The following EEIG2 variants were observed in gnomAD, a reference collection of about 807,000 sequenced individuals.
The protein encoded by EEIG2 is family with sequence similarity 102 member B.
chr1:108,578,315 G>A, the EEIG2 span, among the ~76,000 whole-genome samples: 1 of 129,036 alleles, frequency 7.7e-6, no homozygotes, highest in Admixed American at 8.9e-5. Context: ...TGATTGCCCT[G>A]GCCAGAACTT....
the EEIG2 span, chr1:108,628,917 A>G: frequency 6.9e-4 from 609 of 880,658 alleles, 3 homozygotes; most frequent in African/African-American, 9.4e-3. Context: ...ATATTTGTAT[A>G]GTAAATTTCA....
the EEIG2 span, among the ~76,000 whole-genome samples, chr1:108,564,046 G>A: frequency 1.3e-5 from 2 of 152,294 alleles, no homozygotes; most frequent in African/African-American, 2.4e-5. Context: ...ATTGCAGAGC[G>A]TTCATGTTGA....
chr1:108,583,952 C>T, the EEIG2 span, among the ~76,000 whole-genome samples: 2 of 151,706 alleles, frequency 1.3e-5, no homozygotes, highest in African/African-American at 4.8e-5. Context: ...TTCAGCTCTG[C>T]CATAGCGTAG....
the EEIG2 span, among the ~76,000 whole-genome samples, chr1:108,603,488 T>C: frequency 6.6e-6 from 1 of 152,148 alleles, no homozygotes; most frequent in Admixed American, 6.6e-5. Context: ...GCTCAATCCC[T>C]TCTTGGATGA....
At chr1:108,606,649 T>C in the EEIG2 span, among the ~76,000 whole-genome samples, 1 of 152,226 alleles carries the variant, frequency 6.6e-6, no homozygotes, top group East Asian at 1.9e-4. Context: ...ACTAGCTATG[T>C]GGAATTACTA....
At chr1:108,618,332 C>A in the EEIG2 span, among the ~76,000 whole-genome samples, 3 of 152,042 alleles carry the variant, frequency 2.0e-5, no homozygotes, top group African/African-American at 7.3e-5. Context: ...AAATAGGAAA[C>A]AAGATGCTCA....
the EEIG2 span, among the ~76,000 whole-genome samples, chr1:108,563,507 A>G: frequency 6.6e-6 from 1 of 152,208 alleles, no homozygotes; most frequent in African/African-American, 2.4e-5. Flanking sequence ...ATGAACCTTT[A>G]TAAAATAATA....
At chr1:108,607,946 AT>A in the EEIG2 span, among the ~76,000 whole-genome samples, 2 of 152,192 alleles carry the variant, frequency 1.3e-5, no homozygotes, top group Non-Finnish European at 2.9e-5. Context: ...AAATTAAAAC[AT>A]GATCATATCG....
the EEIG2 span, among the ~76,000 whole-genome samples, chr1:108,569,305 G>A: frequency 6.6e-6 from 1 of 152,142 alleles, no homozygotes; most frequent in African/African-American, 2.4e-5. Context: ...TAGGAGGATG[G>A]GTCATCTAGA....
chr1:108,561,291 A>C, the EEIG2 span, among the ~76,000 whole-genome samples: 10 of 152,332 alleles, frequency 6.6e-5, no homozygotes, highest in African/African-American at 2.2e-4. Flanking sequence ...GGCATTAATA[A>C]TAGGTGTGGC....
At chr1:108,636,668 C>T in the EEIG2 span, 3 of 152,072 alleles carry the variant, frequency 2.0e-5, no homozygotes, top group Non-Finnish European at 4.4e-5. Flanking sequence ...TGTAGAGAGA[C>T]TCTGAGAGAG....
chr1:108,606,335 T>G, the EEIG2 span: 2 of 888,858 alleles, frequency 2.3e-6, no homozygotes, highest in Non-Finnish European at 3.4e-6. Flanking sequence ...AATTGTTTAC[T>G]CTTCTAATAT....
the EEIG2 span, among the ~76,000 whole-genome samples, chr1:108,607,596 G>A: frequency 6.6e-6 from 1 of 152,122 alleles, no homozygotes; most frequent in Non-Finnish European, 1.5e-5. Context: ...GGCTGTGGTG[G>A]GAGGATCACT....
chr1:108,635,073 C>T, the EEIG2 span: 1 of 1,613,630 alleles, frequency 6.2e-7, no homozygotes, highest in Non-Finnish European at 8.5e-7. Flanking sequence ...CACTGCAGCT[C>T]AAAATTTTGA....
the EEIG2 span, among the ~76,000 whole-genome samples, chr1:108,577,089 T>C: frequency 1.5e-5 from 2 of 135,124 alleles, no homozygotes; most frequent in African/African-American, 5.5e-5. Context: ...GCTGCATAAA[T>C]GTCTTCTTTT....
chr1:108,595,726 A>G, the EEIG2 span, among the ~76,000 whole-genome samples: 3 of 145,042 alleles, frequency 2.1e-5, no homozygotes, highest in Non-Finnish European at 3.0e-5. Context: ...AGGGAGGGAG[A>G]GAGGGAGATG....
At chr1:108,562,923 G>A in the EEIG2 span, among the ~76,000 whole-genome samples, 3 of 152,088 alleles carry the variant, frequency 2.0e-5, no homozygotes, top group East Asian at 1.9e-4. Context: ...TAATTAGTGG[G>A]TGCCAGTCAA....
chr1:108,572,310 C>T, the EEIG2 span, among the ~76,000 whole-genome samples: 7 of 152,092 alleles, frequency 4.6e-5, no homozygotes, highest in African/African-American at 9.7e-5. Flanking sequence ...ATGGAAAATA[C>T]GCAGAGTTTC....
At chr1:108,578,697 G>A in the EEIG2 span, among the ~76,000 whole-genome samples, 13 of 151,738 alleles carry the variant, frequency 8.6e-5, no homozygotes, top group African/African-American at 2.7e-4. Flanking sequence ...GAGAAAGGTC[G>A]GGTTACCCAC....
Sources: gnomAD v4.1 joint callset for allele counts (sites outside exome capture counted in the v4.1 genomes callset) on GRCh38, gnomAD v4.1.1 for gene constraint, MANE v1.5 for transcripts, NCBI Gene and HGNC (gene_info 2026-07-23, HGNC 2026-07-21) for gene names.